The following KCNQ1 variants were observed in gnomAD, a reference collection of about 807,000 sequenced individuals.
KCNQ1 encodes potassium voltage-gated channel subfamily Q member 1, also known as potassium voltage-gated channel subfamily KQT member 1.
KCNQ1 carries 49 observed loss-of-function variants against 72.4 expected under a neutral mutation model. That is an observed-to-expected ratio of 0.68 (90% CI 0.54 to 0.86). The LOEUF (loss-of-function observed/expected upper bound fraction) is 0.86, where lower values mean the gene tolerates loss of function less well. Among genes scored for constraint, KCNQ1 ranks in the 40% least tolerant of loss-of-function variants. KCNQ1 has a pLI of 0.00. For missense variants in KCNQ1, 790 were observed against 945.1 expected (o/e 0.84, Z 2.15); for synonymous variants, 450 against 412.6 (o/e 1.09, Z -1.10).
intron 15 of KCNQ1, among the ~76,000 whole-genome samples, chr11:2,801,445 G>A (rs182205144): frequency 4.6e-5 from 7 of 152,302 alleles, no homozygotes; most frequent in Admixed American, 6.5e-5. Flanking sequence ...CTGGAAGTCC[G>A]AGAGCAAGGT....
intron 15 of KCNQ1, among the ~76,000 whole-genome samples, chr11:2,823,253 A>G (rs1847774858): frequency 6.6e-6 from 1 of 152,248 alleles, no homozygotes; most frequent in African/African-American, 2.4e-5. Context: ...AGTCTTTGGT[A>G]GAGAAAATTT....
At position 2,666,941 on chromosome 11, in the gene KCNQ1, T is replaced by A. The variant is rs544415825; in HGVS notation, c.1514+4860T>A. The A allele has an allele frequency of 1.0e-5, 4 of 398,740 alleles. No homozygotes were observed. In the East Asian group the frequency reaches 1.1e-4, roughly 11 times the overall value. The allele number at this position is 398,740 out of a possible 1,614,324, so 24.7% of individuals were successfully genotyped here. A position where few individuals can be genotyped will look rare whatever the true frequency, so the allele number is the denominator to read the frequency against. ...TGCAAAGCTCCAGACCACCTCTGTCTGCACGAGATGCCAAGGAAGCCCTCT... is the reference window on the plus strand; with the variant it reads ...TGCAAAGCTCCAGACCACCTCTGTCAGCACGAGATGCCAAGGAAGCCCTCT... On this transcript the variant is annotated intron_variant, in intron 11 of 15. Transcript: ENST00000155840.
chr11:2,500,529 T>C (rs970772358), intron 1 of KCNQ1, among the ~76,000 whole-genome samples: 1 of 152,218 alleles, frequency 6.6e-6, no homozygotes, highest in Non-Finnish European at 1.5e-5. Context: ...ACTGGGTATA[T>C]ACCCAAAGGA....
chr11:2,775,642 G>A (rs1466299362), intron 12 of KCNQ1, among the ~76,000 whole-genome samples: 3 of 152,194 alleles, frequency 2.0e-5, no homozygotes, highest in Non-Finnish European at 4.4e-5. Context: ...TGAAGCCATT[G>A]AGAACCAGAA....
chr11:2,545,801 C>T (rs1847895810), intron 2 of KCNQ1, among the ~76,000 whole-genome samples: 2 of 152,082 alleles, frequency 1.3e-5, no homozygotes, highest in South Asian at 4.1e-4. Flanking sequence ...ATTGTATTGG[C>T]ATAAAGTTTT....
chr11:2,447,629 C>A lies in KCNQ1; in HGVS notation c.386+2145C>A, dbSNP rs922862007. On this transcript the variant is annotated intron_variant, in intron 1 of 15. Transcript: ENST00000155840. This position sits in a 1 kb window ranked among gnomAD's most constrained non-coding sequence, Gnocchi z 7.6. ...TAGCTGGAGGCCACCTGCAGCCTCACGAAATCAGGTCCAGCCTTGCGCCAG... is the reference window on the plus strand; with the variant it reads ...TAGCTGGAGGCCACCTGCAGCCTCAAGAAATCAGGTCCAGCCTTGCGCCAG... 2.0e-5 allele frequency among the ~76,000 whole-genome samples: 3 copies of A among 152,178 alleles called. No homozygotes were observed. The highest frequency in any genetic ancestry group is 2.1e-4 in the South Asian group (1 of 4,834).
At chr11:2,706,990 C>G (rs1383231999) in intron 11 of KCNQ1, among the ~76,000 whole-genome samples, 1 of 152,106 alleles carries the variant, frequency 6.6e-6, no homozygotes, top group Non-Finnish European at 1.5e-5. Context: ...AACGGGTGAC[C>G]TTTTCTCCCC....
At chr11:2,551,566 G>T (rs11023261) in intron 2 of KCNQ1, among the ~76,000 whole-genome samples, 1 of 152,172 alleles carries the variant, frequency 6.6e-6, no homozygotes, top group African/African-American at 2.4e-5. Flanking sequence ...TGAATATTGC[G>T]TGCAGTTTTT....
At chr11:2,832,686 G>A (rs559084167) in intron 15 of KCNQ1, among the ~76,000 whole-genome samples, 67 of 152,336 alleles carry the variant, frequency 4.4e-4, no homozygotes, top group African/African-American at 1.5e-3. Flanking sequence ...TGTAGCTCCC[G>A]GTAGGGCCTG....
intron 11 of KCNQ1, chr11:2,667,331 G>A: frequency 7.5e-6 from 3 of 398,628 alleles, no homozygotes; most frequent in Non-Finnish European, 8.8e-6. Context: ...AGAAAGCAGT[G>A]AGGCTTCTCA....
In KCNQ1 at chr11:2,587,652, C is replaced by G. The variant is rs1490239200; in HGVS notation, c.1211C>G (p.Thr404Ser). 1.9e-6 allele frequency: 3 copies of G among 1,613,974 alleles called. No individual in the cohort carries two copies. The highest frequency in any genetic ancestry group is 2.5e-6 in the Non-Finnish European group (3 of 1,180,016). The change falls in exon 9 of 16, where the codon ACT becomes AGT. Residue 404 changes from threonine (T) to serine (S), a missense_variant. Transcript: ENST00000155840. ...IYIRKAPRSH[T>S]LLSPSPKPKK... is the part of the protein sequence containing the mutation. ...ATCCGGAAGGCCCCCCGGAGCCACACTCTGCTGTCACCCAGCCCCAAACCC... is the reference window on the plus strand; with the variant it reads ...ATCCGGAAGGCCCCCCGGAGCCACAGTCTGCTGTCACCCAGCCCCAAACCC...
At position 2,676,988 on chromosome 11, in the gene KCNQ1, CAG is replaced by C. The variant is rs1850305193; in HGVS notation, c.1514+14910_1514+14911del. 2.5e-6 allele frequency: 1 copy of C among 398,508 alleles called. No individual in the cohort carries two copies. The highest frequency in any genetic ancestry group is 2.1e-5 in the African/African-American group (1 of 48,630). 24.7% of individuals were successfully genotyped at this position (398,508 alleles called of 1,614,324 possible). On this transcript the variant is annotated intron_variant, in intron 11 of 15. Transcript: ENST00000155840. The surrounding 1 kb of genome is among the most constrained non-coding windows in gnomAD (Gnocchi z 4.2). The stretch of plus-strand genomic sequence containing the variant: ...CAAATCTCCTTTTCATTAACAGCTG[CAG>C]AGTTTCATTGTGCCATGATTTATGG...
chr11:2,496,495 C>CTTTTTTTTTTTTTTTT lies in KCNQ1; in HGVS notation c.387-31423_387-31408dup. On this transcript the variant is annotated intron_variant, in intron 1 of 15. Transcript: ENST00000155840. ...AAAATGGCTAGGATCACAACCCCTG[C>CTTTTTTTTTTTTTTTT]TTTTTTTTTTTTTTTTTTTTTTTTT... is the stretch of plus-strand genomic sequence containing the variant. Among the ~76,000 whole-genome samples the CTTTTTTTTTTTTTTTT allele has an allele frequency of 3.1e-3, 92 of 29,846 alleles. 12 individuals are homozygous for CTTTTTTTTTTTTTTTT. Among genetic ancestry groups the CTTTTTTTTTTTTTTTT allele is most frequent in the South Asian group, 5.3e-3 (2 of 378 alleles). 19.6% of individuals were successfully genotyped at this position (29,846 alleles called of 152,430 possible). A position where few individuals can be genotyped will look rare whatever the true frequency, so the allele number is the denominator to read the frequency against.
At chr11:2,798,013 C>T (rs1201714163) in intron 15 of KCNQ1, among the ~76,000 whole-genome samples, 2 of 152,212 alleles carry the variant, frequency 1.3e-5, no homozygotes, top group African/African-American at 4.8e-5. Context: ...CCCTCTCACC[C>T]TCACAGGGGA....
At chr11:2,574,297 G>A (rs552941484) in intron 6 of KCNQ1, among the ~76,000 whole-genome samples, 55 of 152,264 alleles carry the variant, frequency 3.6e-4, no homozygotes, top group East Asian at 2.5e-3. Context: ...CTACTCTGCC[G>A]CCACAAGCCT....
At chr11:2,796,111 C>G (rs1847123494) in intron 15 of KCNQ1, among the ~76,000 whole-genome samples, 1 of 152,256 alleles carries the variant, frequency 6.6e-6, no homozygotes, top group Non-Finnish European at 1.5e-5. Context: ...ACGTGTGAAA[C>G]CATTGGCTTA....
intron 1 of KCNQ1, among the ~76,000 whole-genome samples, chr11:2,510,535 A>G (rs2012360): frequency 0.73 from 111,498 of 152,070 alleles, 41,024 homozygotes; most frequent in East Asian, 0.81. Context: ...TGAGCCCAGG[A>G]GTAGAGGTTG....
At chr11:2,842,848 C>T (rs975667005) in intron 15 of KCNQ1, among the ~76,000 whole-genome samples, 3 of 152,212 alleles carry the variant, frequency 2.0e-5, no homozygotes, top group Non-Finnish European at 4.4e-5. Context: ...TGCCTCAGTC[C>T]ACTTGATCCC....
intron 1 of KCNQ1, among the ~76,000 whole-genome samples, chr11:2,517,570 C>T (rs1412651200): frequency 1.3e-5 from 2 of 152,212 alleles, no homozygotes; most frequent in Admixed American, 1.3e-4. Context: ...CCCAGGACAT[C>T]CAGGCATGTG....
Sources: allele counts gnomAD v4.1 joint callset (sites outside exome capture counted in the v4.1 genomes callset), GRCh38; gene constraint gnomAD v4.1.1; non-coding constraint Gnocchi (gnomAD v3.1); transcripts MANE v1.5; gene names NCBI Gene and HGNC (gene_info 2026-07-23, HGNC 2026-07-21).